Variants in TTF2 observed in about 807,000 individuals in gnomAD.
The protein encoded by TTF2 is transcription termination factor 2, also known as RNA polymerase II termination factor.
A neutral mutation model predicts 142.4 loss-of-function variants in TTF2; 108 were observed. The observed-to-expected ratio is 0.76, with a 90% CI of 0.65 to 0.89. The LOEUF (loss-of-function observed/expected upper bound fraction) is 0.89. TTF2 is among the 40% of genes least tolerant of loss of function. The pLI is 0.00. For synonymous variants in TTF2, 483 were observed against 506.2 expected, an observed-to-expected ratio of 0.95 and a Z score of 0.61; for missense variants, 1,327 against 1,379.8, an observed-to-expected ratio of 0.96 and a Z score of 0.61.
intron 18 of TTF2, chr1:117,094,532 C>T (rs890911555): frequency 6.5e-6 from 3 of 460,158 alleles, no homozygotes; most frequent in Admixed American, 4.8e-5. Context: ...ACCCAGGGAG[C>T]CTGTTCGGAA....
intron 3 of TTF2, among the ~76,000 whole-genome samples, chr1:117,064,323 T>TA (rs1406973365): frequency 1.4e-4 from 10 of 71,046 alleles, no homozygotes; most frequent in Non-Finnish European, 1.9e-4. Context: ...CTCTACTAAA[T>TA]AAAAAAAAGT....
At position 117,101,465 on chromosome 1, in the gene TTF2, T is replaced by G. The variant is rs1428683021; in HGVS notation, c.3430T>G (p.Ser1144Ala). ...KDLAKQVLSG[S>A]GESVTKLTLA... ...TTTGGCCAAACAAGTTCTATCAGGG[T>G]CTGGAGAATCTGTCACCAAGCTCAC... The change falls in exon 23 of 23, where the codon TCT becomes GCT. Residue 1144 changes from serine to alanine, a missense_variant. Transcript: ENST00000369466. This position sits in a 1 kb window ranked among gnomAD's most constrained non-coding sequence, Gnocchi z 5.9. 1 of 1,609,580 alleles carries G rather than the reference T, an allele frequency of 6.2e-7. No homozygotes were observed. The highest frequency in any genetic ancestry group is 8.5e-7 in the Non-Finnish European group (1 of 1,179,088).
Position 117,080,895 on chromosome 1 carries a change from T to G in TTF2, c.1784-933T>G, listed in dbSNP as rs905727690. ...GTGACAACAGGCGTCAAAGGTTCCC[T>G]AGGAAGCTCATTAGAGATTTAATGC... On this transcript the variant is annotated intron_variant, in intron 9 of 22. Coordinates refer to ENST00000369466, the MANE Select transcript of TTF2 (RefSeq NM_003594.4). This position sits in a 1 kb window ranked among gnomAD's most constrained non-coding sequence, Gnocchi z 4.3. Among the ~76,000 whole-genome samples the G allele has an allele frequency of 1.8e-4, 28 of 152,118 alleles. No individual in the cohort carries two copies. Among genetic ancestry groups the G allele is most frequent in the African/African-American group, 6.5e-4 (27 of 41,424 alleles).
At chr1:117,066,673 T>C (rs1035647439) in intron 3 of TTF2, among the ~76,000 whole-genome samples, 4 of 148,902 alleles carry the variant, frequency 2.7e-5, no homozygotes, top group African/African-American at 7.4e-5. Context: ...GGCAAACACA[T>C]ACAGCTTTGG....
rs760387671 is a variant in TTF2 at position 117,092,708 on chromosome 1, C to T, written c.2806-23C>T. 8 of 1,604,080 alleles carry T rather than the reference C, an allele frequency of 5.0e-6. No individual in the cohort carries two copies. The South Asian group carries it at 6.7e-5, about 13-fold the overall frequency. On this transcript the variant is annotated intron_variant, in intron 17 of 22. Coordinates refer to ENST00000369466, the MANE Select transcript of TTF2 (RefSeq NM_003594.4). The surrounding 1 kb of genome is among the most constrained non-coding windows in gnomAD (Gnocchi z 4.4). ...TTTGCTCCCTTGACTCCCAGCTGCT[C>T]CTGTCCTTTTTTGTCTGTTCAGGCC...
rs1030046106 is a variant in TTF2 at position 117,105,648 on chromosome 1, C to G, written c.*4124C>G. 6.6e-6 allele frequency: 1 copy of G among 152,074 alleles called. No individual in the cohort carries two copies. Among genetic ancestry groups the G allele is most frequent in the Non-Finnish European group, 1.5e-5 (1 of 68,042 alleles). 9.4% of individuals were successfully genotyped at this position (152,074 alleles called of 1,614,324 possible). On this transcript the variant is annotated 3_prime_UTR_variant, in exon 23 of 23. Coordinates refer to ENST00000369466, the MANE Select transcript of TTF2 (RefSeq NM_003594.4). This position sits in a 1 kb window ranked among gnomAD's most constrained non-coding sequence, Gnocchi z 4.7. ...AGGAGAATCACTTGAATCCAGGAGG[C>G]GGAGGTTACAGTGAGCTGAGATCAT...
In TTF2 at chr1:117,079,583, C is replaced by T. The variant is rs1466143631; in HGVS notation, c.1717C>T (p.His573Tyr). Residue 573 changes from histidine to tyrosine, a missense_variant, in exon 9 of 23, where the codon CAC becomes TAC. By Grantham distance (83) the His-to-Tyr change is moderately conservative (BLOSUM62 2). Coordinates refer to ENST00000369466, the MANE Select transcript of TTF2 (RefSeq NM_003594.4). The surrounding 1 kb of genome is among the most constrained non-coding windows in gnomAD (Gnocchi z 4.2). ...PAGLKVPLLL[H>Y]QKQALAWLLW... ...CCTTTGTCAGGTCCCTTTGCTACTA[C>T]ACCAGAAGCAGGCATTGGCTTGGTT... is the stretch of plus-strand genomic sequence containing the variant. The T allele has an allele frequency of 6.2e-7, 1 of 1,614,240 alleles. No individual in the cohort carries two copies. The highest frequency in any genetic ancestry group is 1.7e-5 in the Admixed American group (1 of 60,032).
chr1:117,065,523 G>A (rs544074268), intron 3 of TTF2, among the ~76,000 whole-genome samples: 172 of 152,240 alleles, frequency 1.1e-3, no homozygotes, highest in African/African-American at 3.5e-3. Context: ...GCGTGAACCC[G>A]GAGGCAGAGC....
At position 117,073,338 on chromosome 1, in the gene TTF2, C is replaced by A. The variant is rs1361117781; in HGVS notation, c.219-323C>A. Among the ~76,000 whole-genome samples the A allele has an allele frequency of 6.6e-6, 1 of 152,146 alleles. No individual in the cohort carries two copies. Among genetic ancestry groups the A allele is most frequent in the Non-Finnish European group, 1.5e-5 (1 of 68,044 alleles). ...ACCCCCCTTCAGGGACACACAGTGT[C>A]TGGCTGTCTCTCATTTCTCTGATTT... On this transcript the variant is annotated intron_variant, in intron 3 of 22. Coordinates refer to ENST00000369466, the MANE Select transcript of TTF2 (RefSeq NM_003594.4). The surrounding 1 kb of genome is among the most constrained non-coding windows in gnomAD (Gnocchi z 4.4).
chr1:117,071,735 C>A (rs952285183), intron 3 of TTF2, among the ~76,000 whole-genome samples: 1 of 152,066 alleles, frequency 6.6e-6, no homozygotes, highest in Non-Finnish European at 1.5e-5. Flanking sequence ...TACTTAATTA[C>A]GTACAACAGG....
At chr1:117,094,697 C>T (rs1314262056) in intron 18 of TTF2, 1 of 476,530 alleles carries the variant, frequency 2.1e-6, no homozygotes, top group Non-Finnish European at 4.4e-6. Flanking sequence ...GCCCCTCACA[C>T]ATGGCCGAAA....
At position 117,070,764 on chromosome 1, in the gene TTF2, C is replaced by T. The variant is rs1302464492; in HGVS notation, c.219-2897C>T. On this transcript the variant is annotated intron_variant, in intron 3 of 22. Coordinates refer to ENST00000369466, the MANE Select transcript of TTF2 (RefSeq NM_003594.4). This position sits in a 1 kb window ranked among gnomAD's most constrained non-coding sequence, Gnocchi z 4.2. ...CCAGTAAGATTTTAAAAATTGTGAA[C>T]TTGGATGGGAAAATTGTGTTTGTAC... Among the ~76,000 whole-genome samples the T allele has an allele frequency of 2.6e-5, 4 of 152,054 alleles. No individual in the cohort carries two copies. Among genetic ancestry groups the T allele is most frequent in the Non-Finnish European group, 5.9e-5 (4 of 68,006 alleles).
chr1:117,096,014 T>C, intron 19 of TTF2, 135 bp from the exon 20 acceptor site: 1 of 870,150 alleles, frequency 1.1e-6, no homozygotes, highest in Non-Finnish European at 1.8e-6. Flanking sequence ...GTGTGCCTTC[T>C]CCCTTAGGTA....
In TTF2 at chr1:117,070,205, G is replaced by A. The variant is rs1656464045; in HGVS notation, c.219-3456G>A. Among the ~76,000 whole-genome samples the A allele has an allele frequency of 6.6e-6, 1 of 152,212 alleles. No homozygotes were observed. Among genetic ancestry groups the A allele is most frequent in the South Asian group, 2.1e-4 (1 of 4,828 alleles). On this transcript the variant is annotated intron_variant, in intron 3 of 22. Coordinates refer to ENST00000369466, the MANE Select transcript of TTF2 (RefSeq NM_003594.4). The surrounding 1 kb of genome is among the most constrained non-coding windows in gnomAD (Gnocchi z 4.2). ...CTTCTCCTGAAAGTCTACATGGCAT[G>A]AGTTTTAAAGTAGACACTACAGTCA... is the stretch of plus-strand genomic sequence containing the variant.
chr1:117,107,035 T>C lies in TTF2; in HGVS notation c.*5511T>C, dbSNP rs1649996755. 6.6e-6 allele frequency: 1 copy of C among 152,250 alleles called. No homozygotes were observed. The highest frequency in any genetic ancestry group is 2.1e-4 in the South Asian group (1 of 4,824). The allele number at this position is 152,250 out of a possible 1,614,324, so 9.4% of individuals were successfully genotyped here. A position where few individuals can be genotyped will look rare whatever the true frequency, so the allele number is the denominator to read the frequency against. ...ACCAGAGGCATAACGTACATCATAA[T>C]GCTGCATCTTGTTGACGCTTCAATG... On this transcript the variant is annotated 3_prime_UTR_variant, in exon 23 of 23. Coordinates refer to ENST00000369466, the MANE Select transcript of TTF2 (RefSeq NM_003594.4).
At chr1:117,066,768 T>A (rs1480735263) in intron 3 of TTF2, among the ~76,000 whole-genome samples, 1 of 145,864 alleles carries the variant, frequency 6.9e-6, no homozygotes, top group Non-Finnish European at 1.5e-5. Context: ...AGTGGCACAA[T>A]CTCAGCTCAC....
Position 117,080,036 on chromosome 1 carries a change from T to A in TTF2, c.1783+387T>A, listed in dbSNP as rs186825703. On this transcript the variant is annotated intron_variant, in intron 9 of 22. Transcript: ENST00000369466. This position sits in a 1 kb window ranked among gnomAD's most constrained non-coding sequence, Gnocchi z 4.3. Reference sequence around the variant, plus strand: ...TTTTTTTTTTTTTTTTGAGATGGAGTTTCGCTCTTGTCACCCAGGCTGGAG... The same window carrying A: ...TTTTTTTTTTTTTTTTGAGATGGAGATTCGCTCTTGTCACCCAGGCTGGAG... Among the ~76,000 whole-genome samples the A allele has an allele frequency of 6.8e-6, 1 of 146,774 alleles. No homozygotes were observed. The highest frequency in any genetic ancestry group is 2.0e-4 in the East Asian group (1 of 4,930).
chr1:117,060,354 AAGTT>A lies in TTF2; in HGVS notation c.11_14del (p.Val4GlyfsTer54), dbSNP rs1398666818. The stretch of plus-strand genomic sequence containing the variant: ...CTTGGGGGACCCAGCGAAATGGAAG[AAGTT>A]AGGTGTCCAGAGCACGGTAAGGGGC... On this transcript the variant is annotated frameshift_variant, in exon 1 of 23. Coordinates refer to ENST00000369466, the MANE Select transcript of TTF2 (RefSeq NM_003594.4). LOFTEE classifies it high-confidence loss of function. 1.1e-5 allele frequency: 18 copies of A among 1,598,144 alleles called. No homozygotes were observed. Among genetic ancestry groups the A allele is most frequent in the Admixed American group, 1.8e-5 (1 of 56,484 alleles).
At chr1:117,064,265 A>G (rs1285299291) in intron 3 of TTF2, among the ~76,000 whole-genome samples, 1 of 151,914 alleles carries the variant, frequency 6.6e-6, no homozygotes, top group Non-Finnish European at 1.5e-5. Flanking sequence ...ATCACTTGAG[A>G]TTAGGAGTTT....
Sources: gnomAD v4.1 joint callset for allele counts (sites outside exome capture counted in the v4.1 genomes callset) on GRCh38, gnomAD v4.1.1 for gene constraint, Gnocchi (gnomAD v3.1) non-coding constraint, MANE v1.5 for transcripts, NCBI Gene and HGNC (gene_info 2026-07-23, HGNC 2026-07-21) for gene names.